ASIC2: variants seen among roughly 807,000 people sequenced by gnomAD.
ASIC2 encodes acid-sensing ion channel 2.
Under a neutral mutation model 57.3 loss-of-function variants are expected in ASIC2, and 25 were observed. The ratio of observed to expected loss-of-function variants is 0.44; its 90% CI spans 0.32 to 0.61. The LOEUF (loss-of-function observed/expected upper bound fraction) is 0.61. ASIC2 is among the 20% of genes least tolerant of loss of function. ASIC2 has a pLI of 0.06. For synonymous variants in ASIC2, 319 were observed against 307.5 expected (o/e 1.04, Z -0.39); for missense variants, 641 against 738.1 (o/e 0.87, Z 1.52).
chr17:34,000,315 G>A (rs559602253), intron 1 of ASIC2, among the ~76,000 whole-genome samples: 7 of 147,572 alleles, frequency 4.7e-5, no homozygotes, highest in East Asian at 2.0e-4. Flanking sequence ...GCAATGGTGC[G>A]ATCTCGGCTC....
chr17:33,711,799 G>C (rs890740198), intron 1 of ASIC2, among the ~76,000 whole-genome samples: 1 of 152,086 alleles, frequency 6.6e-6, no homozygotes, highest in African/African-American at 2.4e-5. Context: ...CTCCCACCAG[G>C]CCCCTTCCCT....
chr17:33,923,248 AG>A (rs2141966401), intron 1 of ASIC2, among the ~76,000 whole-genome samples: 1 of 152,284 alleles, frequency 6.6e-6, no homozygotes, highest in South Asian at 2.1e-4. Context: ...TCAGACCTTC[AG>A]GGCTCCTGGC....
intron 1 of ASIC2, among the ~76,000 whole-genome samples, chr17:34,000,178 T>C (rs949526331): frequency 6.6e-6 from 1 of 152,032 alleles, no homozygotes; most frequent in Non-Finnish European, 1.5e-5. Context: ...GTTGCTTTTC[T>C]CTTGATGCTC....
chr17:33,780,740 C>T (rs955476023), intron 1 of ASIC2, among the ~76,000 whole-genome samples: 2 of 152,186 alleles, frequency 1.3e-5, no homozygotes, highest in Admixed American at 6.5e-5. Flanking sequence ...GTTCTGCTCC[C>T]AGGCAGTGGA....
At chr17:33,223,310 G>A (rs750174196) in intron 1 of ASIC2, among the ~76,000 whole-genome samples, 61 of 152,216 alleles carry the variant, frequency 4.0e-4, no homozygotes, top group African/African-American at 1.4e-3. Context: ...AGCCTCCTGA[G>A]TAGCTGGGAT....
intron 1 of ASIC2, among the ~76,000 whole-genome samples, chr17:33,714,015 T>C (rs1909133552): frequency 6.6e-6 from 1 of 152,004 alleles, no homozygotes; most frequent in South Asian, 2.1e-4. Context: ...GTAGAGCTTC[T>C]CAAGTGGGGG....
intron 1 of ASIC2, among the ~76,000 whole-genome samples, chr17:33,509,846 C>T (rs1352671036): frequency 6.6e-6 from 1 of 152,196 alleles, no homozygotes; most frequent in Non-Finnish European, 1.5e-5. Flanking sequence ...AGCCAGGAGG[C>T]CTGGGTTCTG....
chr17:34,079,548 A>C (rs1909801096), intron 1 of ASIC2, among the ~76,000 whole-genome samples: 1 of 152,214 alleles, frequency 6.6e-6, no homozygotes, highest in Non-Finnish European at 1.5e-5. Flanking sequence ...GCAAGTCAGA[A>C]TCACTGGATT....
intron 3 of ASIC2, among the ~76,000 whole-genome samples, chr17:33,081,679 T>A (rs2092113606): frequency 6.6e-6 from 1 of 152,096 alleles, no homozygotes; most frequent in Non-Finnish European, 1.5e-5. Context: ...GAAAGGCACT[T>A]AGGAAGTTAT....
intron 1 of ASIC2, among the ~76,000 whole-genome samples, chr17:33,806,720 G>A (rs145114567): frequency 3.7e-4 from 57 of 152,206 alleles, no homozygotes; most frequent in South Asian, 1.5e-3. Context: ...TCCTGAATGG[G>A]GTCTCACACC....
rs748334315 is a variant in ASIC2, at chr17:33,028,411, G to C, written c.988-19C>G. 5.0e-6 allele frequency: 8 copies of C among 1,613,698 alleles called. No homozygotes were observed. Among genetic ancestry groups the C allele is most frequent in the Non-Finnish European group, 5.9e-6 (7 of 1,179,710 alleles). The stretch of plus-strand genomic sequence containing the variant: ...ATGTGAGCTGCAAGACAGGAAGGAG[G>C]GGGCGGCAGTCAGCCTCAACAGACT... On this transcript the variant is annotated intron_variant, in intron 3 of 9. Coordinates refer to ENST00000225823, the MANE Select transcript of ASIC2 (RefSeq NM_183377.2).
intron 1 of ASIC2, among the ~76,000 whole-genome samples, chr17:33,780,375 C>A (rs972112835): frequency 6.6e-6 from 1 of 152,150 alleles, no homozygotes; most frequent in Admixed American, 6.5e-5. Context: ...CTTGAACCAC[C>A]AATGCCCACC....
intron 4 of ASIC2, 38 bp from the exon 5 acceptor site, chr17:33,026,020 G>A (rs750269035): frequency 1.2e-6 from 2 of 1,607,298 alleles, no homozygotes; most frequent in East Asian, 2.2e-5. Context: ...TACTCAGGCA[G>A]GAACATTCAT....
chr17:33,777,653 C>T (rs1419138441), intron 1 of ASIC2, among the ~76,000 whole-genome samples: 2 of 152,090 alleles, frequency 1.3e-5, no homozygotes, highest in Non-Finnish European at 2.9e-5. Flanking sequence ...GCCTGCTGTG[C>T]GGTAACTGAA....
chr17:33,584,823 G>A (rs913173665), intron 1 of ASIC2, among the ~76,000 whole-genome samples: 12 of 152,062 alleles, frequency 7.9e-5, no homozygotes, highest in African/African-American at 2.9e-4. Flanking sequence ...GCCGGAGAGG[G>A]GACACTAACA....
At chr17:34,123,114 C>G (rs762460041) in intron 1 of ASIC2, among the ~76,000 whole-genome samples, 1 of 152,134 alleles carries the variant, frequency 6.6e-6, no homozygotes, top group Non-Finnish European at 1.5e-5. Context: ...CTTGCCCAGC[C>G]TATGAGAAGA....
At chr17:33,668,490 G>A (rs1163546240) in intron 1 of ASIC2, among the ~76,000 whole-genome samples, 4 of 151,878 alleles carry the variant, frequency 2.6e-5, no homozygotes, top group Non-Finnish European at 5.9e-5. Context: ...TTCTCATGCT[G>A]CCATCTCTCT....
chr17:33,248,675 T>C (rs1167517210), intron 1 of ASIC2, among the ~76,000 whole-genome samples: 1 of 152,152 alleles, frequency 6.6e-6, no homozygotes, highest in Non-Finnish European at 1.5e-5. Flanking sequence ...CAGCCTCCGG[T>C]GGCTCCAGCA....
At chr17:33,111,875 C>A in intron 2 of ASIC2, 42 bp downstream of exon 2, 2 of 1,574,754 alleles carry the variant, frequency 1.3e-6, no homozygotes, top group East Asian at 2.3e-5. Flanking sequence ...GGCCTGCAAC[C>A]CTCCACCATC....
Sources: allele counts gnomAD v4.1 joint callset (sites outside exome capture counted in the v4.1 genomes callset), GRCh38; gene constraint gnomAD v4.1.1; transcripts MANE v1.5; gene names NCBI Gene and HGNC (gene_info 2026-07-23, HGNC 2026-07-21).